Variants in SRFBP1 observed in about 807,000 individuals in gnomAD.
The protein encoded by SRFBP1 is serum response factor binding protein 1, also known as serum response factor-binding protein 1.
A neutral mutation model predicts 45.5 loss-of-function variants in SRFBP1; 47 were observed. That is an observed-to-expected ratio of 1.03 (90% CI 0.82 to 1.32). The LOEUF is 1.32. SRFBP1 is among the 40% of genes most tolerant of loss of function. The pLI is 0.00. For synonymous variants in SRFBP1, 203 were observed against 166.3 expected, an observed-to-expected ratio of 1.22 and a Z score of -1.70; for missense variants, 621 against 484.6, an observed-to-expected ratio of 1.28 and a Z score of -2.64.
At position 122,020,115 on chromosome 5, in the gene SRFBP1, G is replaced by A. The variant is rs1227682083; in HGVS notation, c.380G>A (p.Arg127Lys). The change falls in exon 6 of 8, where the codon AGA becomes AAA. Residue 127 changes from arginine (R) to lysine (K), a missense_variant. By Grantham distance (26) the Arg-to-Lys change is conservative (BLOSUM62 2). Coordinates refer to ENST00000339397, the MANE Select transcript of SRFBP1 (RefSeq NM_152546.3). Reference sequence around the variant, plus strand: ...GCTGTACAAGCCTTTAAAGAAGCAAGACAAAATGTTGCTGAAGTTGAGTCA... The same window carrying A: ...GCTGTACAAGCCTTTAAAGAAGCAAAACAAAATGTTGCTGAAGTTGAGTCA... The part of the protein sequence containing the change: ...KAAVQAFKEA[R>K]QNVAEVESSK... The A allele has an allele frequency of 6.3e-7, 1 of 1,578,352 alleles. No homozygotes were observed. Among genetic ancestry groups the A allele is most frequent in the Non-Finnish European group, 8.6e-7 (1 of 1,165,778 alleles).
intron 2 of SRFBP1, among the ~76,000 whole-genome samples, chr5:122,048,954 T>C (rs1753916501): frequency 6.6e-6 from 1 of 152,106 alleles, no homozygotes; most frequent in Non-Finnish European, 1.5e-5. Context: ...TTATTAGTAT[T>C]GCTAGCGGTC....
rs747414106 is a variant in SRFBP1, at chr5:121,961,995, A to T, written c.-38A>T. 1.9e-6 allele frequency: 3 copies of T among 1,613,652 alleles called. No individual in the cohort carries two copies. The highest frequency in any genetic ancestry group is 1.1e-5 in the South Asian group (1 of 91,074). ...CAGCCGCGGTCTGAGAGACCGGTTC[A>T]CGTGCAGGCAGCGGCGGATCATATT... On this transcript the variant is annotated 5_prime_UTR_variant, in exon 1 of 8. Transcript: ENST00000339397.
At chr5:122,029,542 GTA>G (rs1287586034), downstream of SRFBP1, among the ~76,000 whole-genome samples, 1 of 152,040 alleles carries the variant, frequency 6.6e-6, no homozygotes, top group Non-Finnish European at 1.5e-5. Context: ...CCTTCCTCTA[GTA>G]TTTTGCCTCA....
chr5:121,978,712 G>A (rs966759264), intron 3 of SRFBP1, among the ~76,000 whole-genome samples: 13 of 152,164 alleles, frequency 8.5e-5, no homozygotes, highest in African/African-American at 2.9e-4. Flanking sequence ...GGCTGGTCTC[G>A]AACGCCTGAC....
At chr5:122,057,109 T>G (rs1352939860) in intron 2 of SRFBP1, among the ~76,000 whole-genome samples, 1 of 152,228 alleles carries the variant, frequency 6.6e-6, no homozygotes, top group Non-Finnish European at 1.5e-5. Flanking sequence ...TTTCTTGTCT[T>G]TCCAGTAACC....
At chr5:122,074,463 T>C (rs1754555390) in intron 2 of SRFBP1, among the ~76,000 whole-genome samples, 2 of 152,224 alleles carry the variant, frequency 1.3e-5, no homozygotes, top group South Asian at 4.1e-4. Context: ...CAATAAATTA[T>C]CTGTGCTTAA....
At chr5:122,050,592 C>T (rs1312366535) in intron 2 of SRFBP1, among the ~76,000 whole-genome samples, 2 of 151,928 alleles carry the variant, frequency 1.3e-5, no homozygotes, top group Admixed American at 6.6e-5. Flanking sequence ...TCTGTGGGGT[C>T]AGTGGTAAAG....
In SRFBP1 at chr5:121,994,765, C is replaced by G. The variant is rs545574719; in HGVS notation, c.270+95C>G. The G allele has an allele frequency of 5.1e-6, 4 of 783,006 alleles. No individual in the cohort carries two copies. The African/African-American group carries it at 7.2e-5, about 14-fold the overall frequency. 48.5% of individuals were successfully genotyped at this position (783,006 alleles called of 1,614,324 possible). A position where few individuals can be genotyped will look rare whatever the true frequency, so the allele number is the denominator to read the frequency against. On this transcript the variant is annotated intron_variant, in intron 4 of 7. Transcript: ENST00000339397. ...AGAGAAAACTTACCAAGAAGTCATGCTATTAGTTTGTAATTAGTTTTCCTA... is the reference window on the plus strand; with the variant it reads ...AGAGAAAACTTACCAAGAAGTCATGGTATTAGTTTGTAATTAGTTTTCCTA...
At chr5:121,973,167 A>G (rs1435090548) in intron 1 of SRFBP1, among the ~76,000 whole-genome samples, 2 of 151,342 alleles carry the variant, frequency 1.3e-5, no homozygotes, top group Non-Finnish European at 3.0e-5. Context: ...ATATTACAAG[A>G]CTCCTGTTTT....
intron 2 of SRFBP1, chr5:122,065,638 G>A (rs1039408394): frequency 6.6e-6 from 1 of 151,928 alleles, no homozygotes; most frequent in Non-Finnish European, 1.5e-5. Flanking sequence ...ACTGATTCCT[G>A]AATAACCCAG....
chr5:121,978,155 A>G (rs535800290), intron 3 of SRFBP1, among the ~76,000 whole-genome samples: 4 of 152,282 alleles, frequency 2.6e-5, no homozygotes, highest in Non-Finnish European at 5.9e-5. Context: ...AGCATTTACT[A>G]TGTGCCAGGC....
chr5:122,054,177 C>G (rs1296037675), intron 2 of SRFBP1, among the ~76,000 whole-genome samples: 1 of 152,210 alleles, frequency 6.6e-6, no homozygotes, highest in African/African-American at 2.4e-5. Flanking sequence ...CTGTTGCCCC[C>G]ACAAAACATC....
At chr5:121,995,312 G>A (rs148422271) in intron 4 of SRFBP1, among the ~76,000 whole-genome samples, 5,787 of 152,064 alleles carry the variant, frequency 0.038, 316 homozygotes, top group African/African-American at 0.11. Context: ...ATAACAAACT[G>A]TCTCTCAGAC....
chr5:122,070,898 T>G lies in SRFBP1; in HGVS notation n.312-4417T>G, dbSNP rs1052784751. On this transcript the variant is annotated intron_variant and non_coding_transcript_variant, in intron 2 of 2. Coordinates refer to the SRFBP1 transcript ENST00000504881. ...TACCAAAGTTCTAGAATTTTAACAG[T>G]TCAGGAATAAAGGCCACATAATAAT... 2.1e-5 allele frequency: 4 copies of G among 194,776 alleles called. No individual in the cohort carries two copies. In the Admixed American group the frequency reaches 2.4e-4, roughly 12 times the overall value. The allele number at this position is 194,776 out of a possible 1,614,324, so 12.1% of individuals were successfully genotyped here.
intron 2 of SRFBP1, among the ~76,000 whole-genome samples, chr5:122,054,908 A>G (rs1754052452): frequency 6.6e-6 from 1 of 152,216 alleles, no homozygotes. Flanking sequence ...ATGAAGGCTT[A>G]TGACATTTAC....
intron 3 of SRFBP1, among the ~76,000 whole-genome samples, chr5:121,981,543 T>TA (rs1206863634): frequency 1.3e-5 from 2 of 151,342 alleles, no homozygotes; most frequent in Non-Finnish European, 3.0e-5. Context: ...ATCTTCCACT[T>TA]ACCCTGTACC....
chr5:121,994,676 T>G lies in SRFBP1; in HGVS notation c.270+6T>G, dbSNP rs1209774315. On this transcript the variant is annotated splice_donor_region_variant and intron_variant, in intron 4 of 7. Transcript: ENST00000339397. ...TTGAAAAAATCTTCAAAAAGGTATA[T>G]CTGCAATAGATTATATTTGTCTTAT... is the stretch of plus-strand genomic sequence containing the variant. 6.5e-7 allele frequency: 1 copy of G among 1,545,286 alleles called. No individual in the cohort carries two copies. The highest frequency in any genetic ancestry group is 8.8e-7 in the Non-Finnish European group (1 of 1,132,418).
At chr5:121,971,308 C>G (rs1323970614) in intron 1 of SRFBP1, among the ~76,000 whole-genome samples, 1 of 151,908 alleles carries the variant, frequency 6.6e-6, no homozygotes, top group East Asian at 1.9e-4. Flanking sequence ...AAAAGTGGTA[C>G]AATTTGAAAG....
At chr5:122,015,555 A>T (rs1753179066) in intron 4 of SRFBP1, among the ~76,000 whole-genome samples, 1 of 152,176 alleles carries the variant, frequency 6.6e-6, no homozygotes, top group Non-Finnish European at 1.5e-5. Flanking sequence ...TCGCTTTACC[A>T]TTGTGTCGTG....
Sources: gnomAD v4.1 joint callset for allele counts (sites outside exome capture counted in the v4.1 genomes callset) on GRCh38, gnomAD v4.1.1 for gene constraint, MANE v1.5 for transcripts, NCBI Gene and HGNC (gene_info 2026-07-23, HGNC 2026-07-21) for gene names.